The following CHODL variants were observed in gnomAD, a reference collection of about 807,000 sequenced individuals.
CHODL encodes the protein chondrolectin.
CHODL carries 29 observed loss-of-function variants against 34.5 expected under a neutral mutation model. The ratio of observed to expected loss-of-function variants is 0.84; its 90% CI spans 0.63 to 1.15. The LOEUF (loss-of-function observed/expected upper bound fraction) is 1.15, where lower values mean the gene tolerates loss of function less well. Among genes scored for constraint, CHODL ranks in the 50% most tolerant of loss-of-function variants. The probability of loss-of-function intolerance (pLI) is 0.00; values close to 1 mark genes in which losing one functional copy is unlikely to be tolerated. For missense variants in CHODL, 332 were observed against 332.5 expected (o/e 1.00, Z 0.01); for synonymous variants, 125 against 116.1 (o/e 1.08, Z -0.49).
chr21:18,156,057 G>T (rs1300467112), intron 2 of CHODL, among the ~76,000 whole-genome samples: 1 of 152,200 alleles, frequency 6.6e-6, no homozygotes, highest in African/African-American at 2.4e-5. Context: ...GAAATTCTCT[G>T]CTGAAGTATG....
Position 17,920,881 on chromosome 21 carries a change from G to A in CHODL, c.-145+3481G>A, listed in dbSNP as rs115683158. Among the ~76,000 whole-genome samples the A allele has an allele frequency of 8.0e-3, 1,217 of 152,216 alleles. 18 individuals are homozygous for A. Among genetic ancestry groups the A allele is most frequent in the African/African-American group, 0.027 (1,121 of 41,508 alleles). On this transcript the variant is annotated intron_variant, in intron 1 of 6. Coordinates refer to the CHODL transcript ENST00000400127. The stretch of plus-strand genomic sequence containing the variant: ...ATTGTTCCAAGGACAATAAAAAGAT[G>A]GATTTAATACAGGGAAGTTATATGA...
intron 1 of CHODL, among the ~76,000 whole-genome samples, chr21:18,254,624 T>A (rs1237750148): frequency 6.6e-6 from 1 of 152,110 alleles, no homozygotes; most frequent in Admixed American, 6.6e-5. Flanking sequence ...GTGTAGACAA[T>A]AGAACAATAG....
At chr21:17,973,413 CTT>C (rs2063633171) in intron 1 of CHODL, among the ~76,000 whole-genome samples, 1 of 121,962 alleles carries the variant, frequency 8.2e-6, no homozygotes, top group Non-Finnish European at 1.7e-5. Context: ...TCTTTTCTTT[CTT>C]TCTTTTTTTT....
intron 1 of CHODL, among the ~76,000 whole-genome samples, chr21:18,006,712 A>T (rs1414621002): frequency 3.9e-5 from 6 of 152,220 alleles, no homozygotes; most frequent in Non-Finnish European, 8.8e-5. Context: ...TTATCTTTCT[A>T]TTGAGAAATA....
intron 2 of CHODL, among the ~76,000 whole-genome samples, chr21:18,201,748 T>C (rs2073654583): frequency 1.3e-5 from 2 of 151,556 alleles, no homozygotes; most frequent in South Asian, 4.1e-4. Context: ...TTGTGACTTA[T>C]AGACCAGCAA....
chr21:18,075,297 T>C (rs1045395644), intron 2 of CHODL, among the ~76,000 whole-genome samples: 3 of 152,186 alleles, frequency 2.0e-5, no homozygotes, highest in Non-Finnish European at 4.4e-5. Context: ...AATGCCAATA[T>C]TCATGTCTGT....
In CHODL at chr21:17,920,814, A is replaced by G. The variant is rs1250303215; in HGVS notation, c.-145+3414A>G. On this transcript the variant is annotated intron_variant, in intron 1 of 6. Coordinates refer to the CHODL transcript ENST00000400127. ...GTCAGAGGCCCCACTGAAGACAAAGATAAGGATCTGAAGAACTGACAGCTT... is the reference window on the plus strand; with the variant it reads ...GTCAGAGGCCCCACTGAAGACAAAGGTAAGGATCTGAAGAACTGACAGCTT... Among the ~76,000 whole-genome samples, 3 of 152,352 alleles carry G rather than the reference A, an allele frequency of 2.0e-5. No individual in the cohort carries two copies. The East Asian group carries it at 5.8e-4, about 29-fold the overall frequency.
intron 2 of CHODL, among the ~76,000 whole-genome samples, chr21:18,076,526 AGTT>A (rs2064868715): frequency 6.6e-6 from 1 of 152,180 alleles, no homozygotes; most frequent in Non-Finnish European, 1.5e-5. Context: ...TTAAAGATGA[AGTT>A]GTTTATTAAA....
At chr21:17,986,495 C>T (rs1277107676) in intron 1 of CHODL, among the ~76,000 whole-genome samples, 2 of 152,160 alleles carry the variant, frequency 1.3e-5, no homozygotes, top group Non-Finnish European at 2.9e-5. Context: ...GACATGAACT[C>T]ATCCTTTTTT....
intron 4 of CHODL, among the ~76,000 whole-genome samples, chr21:18,261,041 C>T (rs566302108): frequency 2.6e-5 from 4 of 152,208 alleles, no homozygotes; most frequent in South Asian, 2.1e-4. Flanking sequence ...AGCAAATTAT[C>T]GCTCAGATAC....
rs2146611208 is a variant in CHODL at position 18,141,881 on chromosome 21, G to A, written c.-45+113910G>A. Among the ~76,000 whole-genome samples the A allele has an allele frequency of 1.3e-5, 2 of 152,204 alleles. 1 individual carries two copies. The highest frequency in any genetic ancestry group is 6.8e-3 in the Middle Eastern group (2 of 294). ...TTGACTCTGACTAGGCAATGTGAAA[G>A]TTTTGATGGTAGTCGCCCAGGTATT... On this transcript the variant is annotated intron_variant, in intron 2 of 6. Transcript: ENST00000400127.
intron 1 of CHODL, among the ~76,000 whole-genome samples, chr21:18,003,327 T>C (rs2063928856): frequency 6.6e-6 from 1 of 151,090 alleles, no homozygotes; most frequent in Non-Finnish European, 1.5e-5. Flanking sequence ...AAATTAAGCA[T>C]TTTTGATATC....
At chr21:18,063,639 A>G (rs1224872539) in intron 2 of CHODL, among the ~76,000 whole-genome samples, 1 of 152,218 alleles carries the variant, frequency 6.6e-6, no homozygotes, top group Non-Finnish European at 1.5e-5. Context: ...TTAGTTCTTC[A>G]TTGGTTAAAG....
chr21:17,920,540 T>C (rs777849916), intron 1 of CHODL, among the ~76,000 whole-genome samples: 1 of 152,244 alleles, frequency 6.6e-6, no homozygotes, highest in Admixed American at 6.5e-5. Flanking sequence ...ATGAGAATTA[T>C]GGGAGTTACA....
rs375781026 is a variant in CHODL at position 18,106,631 on chromosome 21, A to T, written c.-45+78660A>T. ...CTGCCTCAGCCTCCAAATAGCTGGG[A>T]CTACAGTTGCCCACCACCACACCTG... is the stretch of plus-strand genomic sequence containing the variant. On this transcript the variant is annotated intron_variant, in intron 2 of 6. Coordinates refer to the CHODL transcript ENST00000400127. Among the ~76,000 whole-genome samples, 45 of 151,846 alleles carry T rather than the reference A, an allele frequency of 3.0e-4. 1 individual carries two copies. Among genetic ancestry groups the T allele is most frequent in the African/African-American group, 9.9e-4 (41 of 41,392 alleles).
intron 1 of CHODL, among the ~76,000 whole-genome samples, chr21:17,971,840 G>A (rs1259114074): frequency 6.6e-6 from 1 of 152,092 alleles, no homozygotes; most frequent in Admixed American, 6.6e-5. Flanking sequence ...ACCTGGCAGA[G>A]ACACAGCAAC....
At chr21:18,070,653 AT>A (rs1242987070) in intron 2 of CHODL, among the ~76,000 whole-genome samples, 1 of 152,152 alleles carries the variant, frequency 6.6e-6, no homozygotes. Context: ...AAAGATCAGA[AT>A]AAACGCTGTT....
chr21:18,140,757 C>G (rs1688176), intron 2 of CHODL, among the ~76,000 whole-genome samples: 11,929 of 151,952 alleles, frequency 0.079, 1,486 homozygotes, highest in African/African-American at 0.27. Context: ...TTTGTGTGTA[C>G]GTGCATGTGG....
chr21:18,247,328 A>T (rs537861637), intron 1 of CHODL, among the ~76,000 whole-genome samples: 19 of 152,168 alleles, frequency 1.2e-4, no homozygotes, highest in Non-Finnish European at 2.4e-4. Context: ...AACGTATGGA[A>T]TATATTTCTA....
Sources: gnomAD v4.1 joint callset for allele counts (sites outside exome capture counted in the v4.1 genomes callset) on GRCh38, gnomAD v4.1.1 for gene constraint, MANE v1.5 for transcripts, NCBI Gene and HGNC (gene_info 2026-07-23, HGNC 2026-07-21) for gene names.